The following KCNH7 variants were observed in gnomAD, a reference collection of about 807,000 sequenced individuals.
KCNH7 encodes the protein potassium voltage-gated channel subfamily H member 7, also known as voltage-gated inwardly rectifying potassium channel KCNH7.
A neutral mutation model predicts 120.8 loss-of-function variants in KCNH7; 49 were observed. That is an observed-to-expected ratio of 0.41 (90% CI 0.32 to 0.51). KCNH7 has a LOEUF of 0.51. KCNH7 is among the 20% of genes least tolerant of loss of function. The probability of loss-of-function intolerance (pLI) is 0.38; values close to 1 mark genes in which losing one functional copy is unlikely to be tolerated. For missense variants in KCNH7, 1,097 were observed against 1,446.6 expected, an observed-to-expected ratio of 0.76 and a Z score of 3.92; for synonymous variants, 547 against 516.1, an observed-to-expected ratio of 1.06 and a Z score of -0.81.
At chr2:162,639,534 A>G (rs778708862) in intron 2 of KCNH7, among the ~76,000 whole-genome samples, 1 of 152,104 alleles carries the variant, frequency 6.6e-6, no homozygotes, top group Non-Finnish European at 1.5e-5. Flanking sequence ...GTTTTTCAGT[A>G]TAGTCTTTAC....
At chr2:162,537,814 C>T (rs1241860708) in intron 2 of KCNH7, among the ~76,000 whole-genome samples, 5 of 152,024 alleles carry the variant, frequency 3.3e-5, no homozygotes, top group African/African-American at 1.2e-4. Context: ...AAAGGTATGA[C>T]TCAGTTTGCA....
At chr2:162,572,388 C>T (rs1693514407) in intron 2 of KCNH7, among the ~76,000 whole-genome samples, 1 of 119,282 alleles carries the variant, frequency 8.4e-6, no homozygotes, top group Non-Finnish European at 1.7e-5. Context: ...ATTAAAAAGT[C>T]AGGAAACAAC....
At chr2:162,640,958 C>A (rs1317078146) in intron 2 of KCNH7, among the ~76,000 whole-genome samples, 4 of 151,910 alleles carry the variant, frequency 2.6e-5, no homozygotes, top group South Asian at 4.2e-4. Context: ...TAGGGAAGTA[C>A]AAATTAAAAC....
rs1684541763 is a variant in KCNH7 at position 162,806,447 on chromosome 2, T to C, written c.307+30090A>G. ...GAAAATAGTAAATGCCTTTGAATGA[T>C]AACTAACACACACTATTACTATAAT... On this transcript the variant is annotated intron_variant, in intron 2 of 15. Transcript: ENST00000332142. Among the ~76,000 whole-genome samples, 4 of 152,328 alleles carry C rather than the reference T, an allele frequency of 2.6e-5. No individual in the cohort carries two copies. In the South Asian group the frequency reaches 8.3e-4, roughly 32 times the overall value.
intron 7 of KCNH7, among the ~76,000 whole-genome samples, chr2:162,440,523 TC>T (rs1688385843): frequency 6.6e-6 from 1 of 152,066 alleles, no homozygotes; most frequent in Admixed American, 6.6e-5. Flanking sequence ...GAAACTAGTT[TC>T]TAGTCCTTTG....
At chr2:162,783,576 T>C (rs908890483) in intron 2 of KCNH7, among the ~76,000 whole-genome samples, 1 of 152,166 alleles carries the variant, frequency 6.6e-6, no homozygotes, top group East Asian at 1.9e-4. Context: ...TCCCAACTTC[T>C]GCTTCCGAAT....
Position 162,458,613 on chromosome 2 carries a change from A to T in KCNH7, c.1129-12170T>A, listed in dbSNP as rs1573982989. ...TAAAGTTGCTTTCATTTAGAAAATA[A>T]GTAAAATTTAAGAGAAGGAACACTT... On this transcript the variant is annotated intron_variant, in intron 6 of 15. Coordinates refer to ENST00000332142, the MANE Select transcript of KCNH7 (RefSeq NM_033272.4). Among the ~76,000 whole-genome samples, 3 of 152,212 alleles carry T rather than the reference A, an allele frequency of 2.0e-5. No individual in the cohort carries two copies. In the East Asian group the frequency reaches 5.8e-4, roughly 29 times the overall value.
chr2:162,587,917 G>A (rs568028474), intron 2 of KCNH7, among the ~76,000 whole-genome samples: 16 of 152,124 alleles, frequency 1.1e-4, no homozygotes, highest in African/African-American at 3.4e-4. Flanking sequence ...GCTAACAGCC[G>A]ACATACCTAC....
intron 2 of KCNH7, among the ~76,000 whole-genome samples, chr2:162,724,084 T>C (rs1283348019): frequency 1.3e-5 from 2 of 152,214 alleles, no homozygotes; most frequent in Non-Finnish European, 2.9e-5. Context: ...TCAGCCTGTC[T>C]AATATCTTTT....
At chr2:162,497,825 CAT>C (rs1690545777) in intron 6 of KCNH7, among the ~76,000 whole-genome samples, 1 of 151,682 alleles carries the variant, frequency 6.6e-6, no homozygotes. Flanking sequence ...GAGCCTGGCA[CAT>C]ATTAAATGCT....
chr2:162,525,018 C>A (rs891695174), intron 3 of KCNH7, among the ~76,000 whole-genome samples: 1 of 151,450 alleles, frequency 6.6e-6, no homozygotes, highest in East Asian at 2.0e-4. Context: ...CTGTAGCCAG[C>A]GCAGGCCTGG....
intron 2 of KCNH7, among the ~76,000 whole-genome samples, chr2:162,588,581 T>C (rs1185702484): frequency 6.6e-6 from 1 of 152,098 alleles, no homozygotes; most frequent in East Asian, 1.9e-4. Flanking sequence ...CATTTTAAAG[T>C]ATTTTGTATA....
chr2:162,443,416 T>C (rs754466146), intron 7 of KCNH7, among the ~76,000 whole-genome samples: 3 of 152,174 alleles, frequency 2.0e-5, no homozygotes, highest in Non-Finnish European at 2.9e-5. Context: ...AATAAATGCA[T>C]TACCATTTAT....
At chr2:162,621,633 G>A (rs1270772697) in intron 2 of KCNH7, among the ~76,000 whole-genome samples, 1 of 152,038 alleles carries the variant, frequency 6.6e-6, no homozygotes, top group Admixed American at 6.6e-5. Context: ...AATAAATTCA[G>A]TAAGTATATA....
chr2:162,783,625 A>G (rs563812472), intron 2 of KCNH7, among the ~76,000 whole-genome samples: 1 of 152,186 alleles, frequency 6.6e-6, no homozygotes, highest in East Asian at 1.9e-4. Context: ...GTTGACAAAG[A>G]TATATTTGCT....
At chr2:162,570,639 A>G (rs1266071200) in intron 2 of KCNH7, among the ~76,000 whole-genome samples, 1 of 151,944 alleles carries the variant, frequency 6.6e-6, no homozygotes, top group Non-Finnish European at 1.5e-5. Flanking sequence ...TGGTCTTTAC[A>G]TTTTGGCATG....
chr2:162,635,760 G>A (rs1458849745), intron 2 of KCNH7, among the ~76,000 whole-genome samples: 1 of 152,030 alleles, frequency 6.6e-6, no homozygotes, highest in African/African-American at 2.4e-5. Flanking sequence ...CAGCGAGAGT[G>A]CAGTTCTTTG....
At chr2:162,621,405 C>A (rs1451405773) in intron 2 of KCNH7, among the ~76,000 whole-genome samples, 1 of 151,898 alleles carries the variant, frequency 6.6e-6, no homozygotes, top group Admixed American at 6.6e-5. Flanking sequence ...CTCTGCCACA[C>A]TCAACATTGT....
At chr2:162,736,406 G>A (rs1687912189) in intron 2 of KCNH7, among the ~76,000 whole-genome samples, 1 of 152,208 alleles carries the variant, frequency 6.6e-6, no homozygotes, top group Admixed American at 6.5e-5. Context: ...TGATGCCTTT[G>A]TGATTCCCAT....
Sources: gnomAD v4.1 joint callset for allele counts (sites outside exome capture counted in the v4.1 genomes callset) on GRCh38, gnomAD v4.1.1 for gene constraint, MANE v1.5 for transcripts, NCBI Gene and HGNC (gene_info 2026-07-23, HGNC 2026-07-21) for gene names.